Variants in DYNC1H1 observed in about 807,000 individuals in gnomAD.
The protein encoded by DYNC1H1 is dynein cytoplasmic 1 heavy chain 1.
A neutral mutation model predicts 527.1 loss-of-function variants in DYNC1H1; 51 were observed. The observed-to-expected ratio is 0.10, with a 90% confidence interval of 0.08 to 0.12. DYNC1H1 has a LOEUF of 0.12. Among genes scored for constraint, DYNC1H1 ranks in the 10% least tolerant of loss-of-function variants. The pLI is 1.00. For missense variants in DYNC1H1, 2,771 were observed against 5,971.8 expected, an observed-to-expected ratio of 0.46 and a Z score of 17.66; for synonymous variants, 2,189 against 2,278.8, an observed-to-expected ratio of 0.96 and a Z score of 1.12.
chr14:102,052,443 T>C lies in DYNC1H1; in HGVS notation c.*1880T>C, dbSNP rs1327006283. ...CCACCACACCCAGCCCCTAAAAACATTTATGTGCATCGACATCAGCTTTGA... is the reference window on the plus strand; with the variant it reads ...CCACCACACCCAGCCCCTAAAAACACTTATGTGCATCGACATCAGCTTTGA... On this transcript the variant is annotated 3_prime_UTR_variant, in exon 78 of 78. Coordinates refer to ENST00000360184, the MANE Select transcript of DYNC1H1 (RefSeq NM_001376.5). The C allele has an allele frequency of 6.6e-6, 1 of 152,312 alleles. No individual in the cohort carries two copies. Among genetic ancestry groups the C allele is most frequent in the Non-Finnish European group, 1.5e-5 (1 of 68,120 alleles). The allele number at this position is 152,312 out of a possible 1,614,324, so 9.4% of individuals were successfully genotyped here.
At chr14:101,973,555 G>A (rs1261474378) in intron 1 of DYNC1H1, among the ~76,000 whole-genome samples, 1 of 152,162 alleles carries the variant, frequency 6.6e-6, no homozygotes, top group Non-Finnish European at 1.5e-5. Flanking sequence ...ACTCATGCCT[G>A]TAGTGCCAGG....
Position 102,055,252 on chromosome 14 carries a change from T to C in DYNC1H1, c.*4689T>C, listed in dbSNP as rs537253447. Reference sequence around the variant, plus strand: ...AGTGACAGATCCAGCATGCACTTTATGACCATCACTCTGCTCCTCCTGCAT... The same window carrying C: ...AGTGACAGATCCAGCATGCACTTTACGACCATCACTCTGCTCCTCCTGCAT... On this transcript the variant is annotated 3_prime_UTR_variant, in exon 78 of 78. Transcript: ENST00000360184. 1 of 152,364 alleles carries C rather than the reference T, an allele frequency of 6.6e-6. No homozygotes were observed. Among genetic ancestry groups the C allele is most frequent in the African/African-American group, 2.4e-5 (1 of 41,540 alleles). The allele number at this position is 152,364 out of a possible 1,614,324, so 9.4% of individuals were successfully genotyped here. A position where few individuals can be genotyped will look rare whatever the true frequency, so the allele number is the denominator to read the frequency against.
chr14:102,032,238 C>T (rs751061388), intron 51 of DYNC1H1, 34 bp from the exon 52 acceptor site: 1 of 1,612,148 alleles, frequency 6.2e-7, no homozygotes, highest in South Asian at 1.1e-5. Flanking sequence ...CTTCTCCCAC[C>T]CATCGACCCT....
At chr14:102,047,295 G>A (rs1190452346) in intron 72 of DYNC1H1, among the ~76,000 whole-genome samples, 2 of 152,182 alleles carry the variant, frequency 1.3e-5, no homozygotes, top group Admixed American at 1.3e-4. Flanking sequence ...CACTTTGGGA[G>A]GCCAAGGCGA....
Position 102,019,877 on chromosome 14 carries a change from T to G in DYNC1H1, c.8344-16T>G, listed in dbSNP as rs779067256. 2 of 1,614,172 alleles carry G rather than the reference T, an allele frequency of 1.2e-6. No homozygotes were observed. Among genetic ancestry groups the G allele is most frequent in the East Asian group, 4.5e-5 (2 of 44,886 alleles). ...AAGATATTTACGTGTACCTTCCATT[T>G]TTCTCATTGCCATAGGAGAGATTCA... On this transcript the variant is annotated splice_polypyrimidine_tract_variant and intron_variant, in intron 41 of 77. Transcript: ENST00000360184.
rs1257861731 is a variant in DYNC1H1 at position 101,985,234 on chromosome 14, G to A, written c.1462-453G>A. On this transcript the variant is annotated intron_variant, in intron 7 of 77. Transcript: ENST00000360184. The surrounding 1 kb of genome is among the most constrained non-coding windows in gnomAD (Gnocchi z 5.9). The stretch of plus-strand genomic sequence containing the variant: ...AGAGAGTCCTTCTCTGTAAAACATG[G>A]ATAGTAATTACATATGCCTGAGATT... Among the ~76,000 whole-genome samples the A allele has an allele frequency of 6.6e-5, 10 of 152,096 alleles. No individual in the cohort carries two copies. The highest frequency in any genetic ancestry group is 1.5e-5 in the Non-Finnish European group (1 of 68,018).
Position 102,039,818 on chromosome 14 carries a change from CT to C in DYNC1H1, c.11690+90del. On this transcript the variant is annotated intron_variant, in intron 62 of 77. Transcript: ENST00000360184. The surrounding 1 kb of genome is among the most constrained non-coding windows in gnomAD (Gnocchi z 7.0). ...GATCAGATACATGCTTTTATTATTT[CT>C]TTTATTTTCTCTTTTATTTTCTTTA... 7.1e-7 allele frequency: 1 copy of C among 1,411,662 alleles called. No individual in the cohort carries two copies. Among genetic ancestry groups the C allele is most frequent in the Non-Finnish European group, 9.8e-7 (1 of 1,018,788 alleles). 87.4% of individuals were successfully genotyped at this position (1,411,662 alleles called of 1,614,324 possible).
In DYNC1H1 at chr14:102,016,471, A is replaced by C. The variant is rs1230777245; in HGVS notation, c.7596A>C (p.Ile2532=). 2.5e-6 allele frequency: 4 copies of C among 1,613,894 alleles called. No individual in the cohort carries two copies. The highest frequency in any genetic ancestry group is 3.4e-6 in the Non-Finnish European group (4 of 1,179,974). ...TGCCTCTGCCCACTGCGCCCAACATACCCATTATCGATTATGAGGTGAGCA... is the reference window on the plus strand; with the variant it reads ...TGCCTCTGCCCACTGCGCCCAACATCCCCATTATCGATTATGAGGTGAGCA... ...TTVPLPTAPN[I]PIIDYEVSIS... Residue 2532 remains isoleucine (I), a synonymous_variant, in exon 37 of 78, where the codon ATA becomes ATC. Transcript: ENST00000360184. The surrounding 1 kb of genome is among the most constrained non-coding windows in gnomAD (Gnocchi z 7.3).
At position 101,995,042 on chromosome 14, in the gene DYNC1H1, A is replaced by G; in HGVS notation, c.3390A>G (p.Lys1130=). The part of the protein sequence containing the change: ...YDSWHKEVLS[K]FGQMLGSNMT... The stretch of plus-strand genomic sequence containing the variant: ...CTTGGCATAAGGAGGTTCTTAGCAA[A>G]TTTGGGCAGATGCTAGGATCAAACA... Residue 1130 remains lysine (K), a synonymous_variant, in exon 14 of 78, where the codon AAA becomes AAG. Coordinates refer to ENST00000360184, the MANE Select transcript of DYNC1H1 (RefSeq NM_001376.5). 2 of 1,614,184 alleles carry G rather than the reference A, an allele frequency of 1.2e-6. No individual in the cohort carries two copies. The highest frequency in any genetic ancestry group is 1.7e-6 in the Non-Finnish European group (2 of 1,180,032).
chr14:101,995,468 G>C (rs961122561), intron 15 of DYNC1H1, among the ~76,000 whole-genome samples, 168 bp downstream of exon 15: 4 of 152,030 alleles, frequency 2.6e-5, no homozygotes, highest in Non-Finnish European at 5.9e-5. Flanking sequence ...AAAATTAGCC[G>C]GGTGTGGTGG....
At position 102,044,604 on chromosome 14, in the gene DYNC1H1, G is replaced by T; in HGVS notation, c.12912G>T (p.Glu4304Asp). 1 of 1,614,244 alleles carries T rather than the reference G, an allele frequency of 6.2e-7. No individual in the cohort carries two copies. The highest frequency in any genetic ancestry group is 8.5e-7 in the Non-Finnish European group (1 of 1,180,044). ...TGCACTGGTTTTCTAGGCGAGAGGAGTTTGTGCAGTGGGTGGAGTTGCTCC... is the reference window on the plus strand; with the variant it reads ...TGCACTGGTTTTCTAGGCGAGAGGATTTTGTGCAGTGGGTGGAGTTGCTCC... ...IQMPDGIRREEFVQWVELLPD... is the reference protein window; with the variant it reads ...IQMPDGIRREDFVQWVELLPD... The change falls in exon 72 of 78, where the codon GAG becomes GAT. Residue 4304 changes from glutamate to aspartate, a missense_variant. Around this residue, in one of 32 missense-constraint regions of DYNC1H1, gnomAD observed 195 missense variants for 428.6 expected, o/e 0.45. Transcript: ENST00000360184. This position sits in a 1 kb window ranked among gnomAD's most constrained non-coding sequence, Gnocchi z 7.1.
chr14:101,983,033 T>G lies in DYNC1H1; in HGVS notation c.976T>G (p.Leu326Val). Residue 326 changes from leucine (L) to valine (V), a missense_variant, in exon 6 of 78, where the codon TTG becomes GTG. Transcript: ENST00000360184. The surrounding 1 kb of genome is among the most constrained non-coding windows in gnomAD (Gnocchi z 5.3). ...TGTTAATATAGGTCTAAAACAGGCT[T>G]TGGAAACTGTGAATGACTACAATCC... Reference protein sequence around the residue: ...FDTDTGLKQALETVNDYNPLM... With the variant: ...FDTDTGLKQAVETVNDYNPLM... 1 of 1,614,216 alleles carries G rather than the reference T, an allele frequency of 6.2e-7. No homozygotes were observed. Among genetic ancestry groups the G allele is most frequent in the Non-Finnish European group, 8.5e-7 (1 of 1,180,036 alleles).
At chr14:102,028,721 C>T (rs952937758) in intron 48 of DYNC1H1, 3 of 177,260 alleles carry the variant, frequency 1.7e-5, no homozygotes, top group African/African-American at 7.2e-5. Flanking sequence ...TCTCCCACTG[C>T]TGCTGTATGT....
chr14:102,034,664 CCTT>C lies in DYNC1H1; in HGVS notation c.10754+215_10754+217del, dbSNP rs1395523317. 9.6e-6 allele frequency: 8 copies of C among 837,200 alleles called. No homozygotes were observed. The Middle Eastern group carries it at 1.4e-3, about 146-fold the overall frequency. The allele number at this position is 837,200 out of a possible 1,614,324, so 51.9% of individuals were successfully genotyped here. ...ATTCTGCAGTGAATGCTTCTTGTAA[CCTT>C]CTAAAATCGATTGGCAGGGGCCAGG... On this transcript the variant is annotated intron_variant, in intron 56 of 77. Coordinates refer to ENST00000360184, the MANE Select transcript of DYNC1H1 (RefSeq NM_001376.5).
chr14:101,967,208 G>A (rs1254664617), intron 1 of DYNC1H1, among the ~76,000 whole-genome samples: 5 of 152,100 alleles, frequency 3.3e-5, no homozygotes, highest in Non-Finnish European at 7.4e-5. Flanking sequence ...TGGTAGGAGG[G>A]CTTTCTTCTT....
intron 29 of DYNC1H1, among the ~76,000 whole-genome samples, chr14:102,008,539 G>A: frequency 6.6e-6 from 1 of 152,176 alleles, no homozygotes. Flanking sequence ...TGTAATCCCA[G>A]CACTTTGGGA....
Position 102,044,128 on chromosome 14 carries a change from C to G in DYNC1H1, c.12684+83C>G, listed in dbSNP as rs979814917. On this transcript the variant is annotated intron_variant, in intron 70 of 77. Coordinates refer to ENST00000360184, the MANE Select transcript of DYNC1H1 (RefSeq NM_001376.5). This position sits in a 1 kb window ranked among gnomAD's most constrained non-coding sequence, Gnocchi z 7.1. ...GGGCGTGGTGCTGAGAGGCCAGACTCTGCGTGGAAGAGCGAGCTGACCCCT... is the reference window on the plus strand; with the variant it reads ...GGGCGTGGTGCTGAGAGGCCAGACTGTGCGTGGAAGAGCGAGCTGACCCCT... 3 of 1,594,250 alleles carry G rather than the reference C, an allele frequency of 1.9e-6. No homozygotes were observed. In the East Asian group the frequency reaches 6.8e-5, roughly 36 times the overall value.
At position 102,006,058 on chromosome 14, in the gene DYNC1H1, T is replaced by C. The variant is rs1383861038; in HGVS notation, c.5604T>C (p.Tyr1868=). The change falls in exon 27 of 78, where the codon TAT becomes TAC. Residue 1868 remains tyrosine (Y), a synonymous_variant. Coordinates refer to ENST00000360184, the MANE Select transcript of DYNC1H1 (RefSeq NM_001376.5). The part of the protein sequence containing the change: ...SIQMANAKFN[Y]GFEYLGVQDK... ...AAATGGCAAATGCCAAATTTAACTA[T>C]GGCTTTGAGTACCTGGGTGTTCAGG... 1.9e-6 allele frequency: 3 copies of C among 1,614,116 alleles called. No individual in the cohort carries two copies. The highest frequency in any genetic ancestry group is 1.3e-5 in the African/African-American group (1 of 74,944).
At chr14:102,032,648 T>TA (rs2048522520) in intron 52 of DYNC1H1, 181 bp downstream of exon 52, 4 of 780,644 alleles carry the variant, frequency 5.1e-6, no homozygotes, top group South Asian at 1.6e-5. Context: ...GCCTAGGAGT[T>TA]AGAGACCAAC....
Sources: allele counts gnomAD v4.1 joint callset (sites outside exome capture counted in the v4.1 genomes callset), GRCh38; gene constraint gnomAD v4.1.1; regional missense constraint gnomAD v4.1.1; non-coding constraint Gnocchi (gnomAD v3.1); transcripts MANE v1.5; gene names NCBI Gene and HGNC (gene_info 2026-07-23, HGNC 2026-07-21).